Variants in VWC2L observed in about 807,000 individuals in gnomAD.
VWC2L encodes von Willebrand factor C domain-containing protein 2-like.
A neutral mutation model predicts 21.6 loss-of-function variants in VWC2L; 10 were observed. The observed-to-expected ratio is 0.46, with a 90% CI of 0.29 to 0.78. VWC2L has a LOEUF of 0.78. Among genes scored for constraint, VWC2L ranks in the 30% least tolerant of loss-of-function variants. VWC2L has a pLI of 0.10. For synonymous variants in VWC2L, 96 were observed against 94.3 expected (o/e 1.02, Z -0.10); for missense variants, 209 against 277.1 (o/e 0.75, Z 1.74).
chr2:214,489,288 A>C (rs924450611), intron 3 of VWC2L, among the ~76,000 whole-genome samples: 5 of 152,218 alleles, frequency 3.3e-5, no homozygotes, highest in African/African-American at 1.2e-4. Flanking sequence ...GAAGATGTTA[A>C]GGAGTCATTA....
intron 3 of VWC2L, among the ~76,000 whole-genome samples, chr2:214,549,367 G>T (rs1357791030): frequency 6.6e-6 from 1 of 152,164 alleles, no homozygotes; most frequent in Non-Finnish European, 1.5e-5. Context: ...CACAAATATA[G>T]CAACTTCACC....
intron 3 of VWC2L, among the ~76,000 whole-genome samples, chr2:214,531,120 AG>A (rs1689427527): frequency 6.6e-6 from 1 of 152,184 alleles, no homozygotes; most frequent in African/African-American, 2.4e-5. Flanking sequence ...AAGGTTGAAA[AG>A]GAAAGTGGCT....
chr2:214,562,635 C>T (rs1689994490), intron 3 of VWC2L, among the ~76,000 whole-genome samples: 1 of 152,140 alleles, frequency 6.6e-6, no homozygotes, highest in African/African-American at 2.4e-5. Flanking sequence ...TCCTATCTCA[C>T]CAGCATCTTT....
At chr2:214,438,577 G>A (rs1280522169) in intron 3 of VWC2L, among the ~76,000 whole-genome samples, 2 of 151,894 alleles carry the variant, frequency 1.3e-5, no homozygotes, top group South Asian at 2.1e-4. Context: ...TAAAGCATAC[G>A]TTTAAAACAG....
At chr2:214,471,185 A>T (rs956191981) in intron 3 of VWC2L, among the ~76,000 whole-genome samples, 5 of 152,146 alleles carry the variant, frequency 3.3e-5, no homozygotes, top group African/African-American at 1.2e-4. Context: ...GCTGCATTAC[A>T]TTCCTGGAGT....
At chr2:214,492,206 G>C (rs924979723) in intron 3 of VWC2L, among the ~76,000 whole-genome samples, 1 of 151,942 alleles carries the variant, frequency 6.6e-6, no homozygotes, top group African/African-American at 2.4e-5. Flanking sequence ...ATGACATGGG[G>C]TGACCCACTA....
rs544072805 is a variant in VWC2L, at chr2:214,521,707, C to G, written c.521-53965C>G. 1.6e-4 allele frequency among the ~76,000 whole-genome samples: 25 copies of G among 152,332 alleles called. No individual in the cohort carries two copies. The East Asian group carries it at 4.3e-3, about 26-fold the overall frequency. On this transcript the variant is annotated intron_variant, in intron 3 of 3. Transcript: ENST00000312504. ...TTGCCCAAAGGCAAGGGGTCACCAG[C>G]ATCATTAACTGGAGTAACTCTTCCT...
At chr2:214,457,776 T>G (rs1434997533) in intron 3 of VWC2L, among the ~76,000 whole-genome samples, 1 of 152,160 alleles carries the variant, frequency 6.6e-6, no homozygotes, top group African/African-American at 2.4e-5. Flanking sequence ...TTTATGCATT[T>G]GGTTATGCTG....
chr2:214,554,396 A>G (rs922243055), intron 3 of VWC2L, among the ~76,000 whole-genome samples: 14 of 152,124 alleles, frequency 9.2e-5, no homozygotes, highest in Admixed American at 7.9e-4. Flanking sequence ...GGGGCCAGAC[A>G]TGCCTTGCCT....
chr2:214,515,930 G>C (rs1292188286), intron 3 of VWC2L, among the ~76,000 whole-genome samples: 4 of 152,090 alleles, frequency 2.6e-5, no homozygotes, highest in Non-Finnish European at 5.9e-5. Flanking sequence ...TTGGAAATTT[G>C]AACACAACAT....
chr2:214,519,675 G>C (rs796266578), intron 3 of VWC2L, among the ~76,000 whole-genome samples: 1 of 152,156 alleles, frequency 6.6e-6, no homozygotes, highest in African/African-American at 2.4e-5. Context: ...AAAGCCTTTC[G>C]CTTCCTCCGT....
chr2:214,569,077 TA>T (rs1309034232), intron 3 of VWC2L, among the ~76,000 whole-genome samples: 1 of 152,208 alleles, frequency 6.6e-6, no homozygotes, highest in Non-Finnish European at 1.5e-5. Context: ...TTGCTGACAC[TA>T]ATTTGATATT....
chr2:214,482,158 A>T (rs1421862786), intron 3 of VWC2L, among the ~76,000 whole-genome samples: 1 of 152,204 alleles, frequency 6.6e-6, no homozygotes, highest in African/African-American at 2.4e-5. Flanking sequence ...CAATAGGTCT[A>T]AAAACCAAAT....
At chr2:214,572,488 G>A (rs547404493) in intron 3 of VWC2L, among the ~76,000 whole-genome samples, 4 of 152,144 alleles carry the variant, frequency 2.6e-5, no homozygotes, top group East Asian at 3.9e-4. Flanking sequence ...TTTAAGAAAC[G>A]TATTCCCTTA....
chr2:214,449,771 T>C (rs959340757), intron 3 of VWC2L, among the ~76,000 whole-genome samples: 5 of 152,202 alleles, frequency 3.3e-5, no homozygotes, highest in East Asian at 1.9e-4. Flanking sequence ...TACATACTTA[T>C]TTTGCTTACA....
At chr2:214,419,618 T>A (rs1702404788) in intron 2 of VWC2L, among the ~76,000 whole-genome samples, 1 of 152,156 alleles carries the variant, frequency 6.6e-6, no homozygotes, top group Admixed American at 6.5e-5. Context: ...AATTCAGGAT[T>A]TGGATTTGCC....
At chr2:214,477,831 T>A (rs1175023266) in intron 3 of VWC2L, among the ~76,000 whole-genome samples, 2 of 152,264 alleles carry the variant, frequency 1.3e-5, no homozygotes, top group Non-Finnish European at 2.9e-5. Flanking sequence ...AAGAGAATTC[T>A]TTTGAAGGAA....
At chr2:214,545,840 T>A (rs999356100) in intron 3 of VWC2L, among the ~76,000 whole-genome samples, 2 of 152,142 alleles carry the variant, frequency 1.3e-5, no homozygotes, top group African/African-American at 2.4e-5. Context: ...CATATACAAT[T>A]TGAGAACGTG....
chr2:214,462,252 A>G (rs1322335838), intron 3 of VWC2L, among the ~76,000 whole-genome samples: 1 of 152,186 alleles, frequency 6.6e-6, no homozygotes, highest in East Asian at 1.9e-4. Context: ...TAGGGCCCAC[A>G]GGGGGCAAGG....
Sources: gnomAD v4.1 joint callset for allele counts (sites outside exome capture counted in the v4.1 genomes callset) on GRCh38, gnomAD v4.1.1 for gene constraint, MANE v1.5 for transcripts, NCBI Gene and HGNC (gene_info 2026-07-23, HGNC 2026-07-21) for gene names.